The following R3HDM2 variants were observed in gnomAD, a reference collection of about 807,000 sequenced individuals.
R3HDM2 encodes the protein R3H domain containing 2.
Under a neutral mutation model 124.5 loss-of-function variants are expected in R3HDM2, and 38 were observed. The ratio of observed to expected loss-of-function variants is 0.31; its 90% CI spans 0.24 to 0.40. The LOEUF (loss-of-function observed/expected upper bound fraction) is 0.40. R3HDM2 is among the 10% of genes least tolerant of loss of function. R3HDM2 has a pLI of 1.00. For synonymous variants in R3HDM2, 391 were observed against 448.0 expected (o/e 0.87, Z 1.61); for missense variants, 869 against 1,236.9 (o/e 0.70, Z 4.46).
intron 1 of R3HDM2, among the ~76,000 whole-genome samples, chr12:57,403,467 G>A (rs914164004): frequency 1.3e-5 from 2 of 151,336 alleles, no homozygotes; most frequent in Non-Finnish European, 2.9e-5. Context: ...ACTCCAGCCT[G>A]GGTGACAAGA....
intron 2 of R3HDM2, among the ~76,000 whole-genome samples, chr12:57,330,154 C>G (rs1482636997): frequency 6.6e-6 from 1 of 151,876 alleles, no homozygotes; most frequent in African/African-American, 2.4e-5. Context: ...TTAGTAGAGA[C>G]AGGGTTTCTC....
At chr12:57,402,427 C>T (rs1271185818) in intron 1 of R3HDM2, among the ~76,000 whole-genome samples, 2 of 152,150 alleles carry the variant, frequency 1.3e-5, no homozygotes, top group Non-Finnish European at 2.9e-5. Flanking sequence ...CAGCTCATTG[C>T]AACCTCCACC....
At chr12:57,314,040 T>G (rs2054512822) in intron 2 of R3HDM2, among the ~76,000 whole-genome samples, 1 of 149,542 alleles carries the variant, frequency 6.7e-6, no homozygotes. Flanking sequence ...AATACAAAAT[T>G]AGCCAGGTGT....
intron 19 of R3HDM2, among the ~76,000 whole-genome samples, chr12:57,262,142 T>TTA (rs2041032468): frequency 6.6e-6 from 1 of 152,214 alleles, no homozygotes; most frequent in African/African-American, 2.4e-5. Context: ...CACAGGCATC[T>TTA]TTCCCAAATT....
In R3HDM2 at chr12:57,268,326, T is replaced by C. The variant is rs1434666496; in HGVS notation, c.2007A>G (p.Pro669=). 4 of 1,613,526 alleles carry C rather than the reference T, an allele frequency of 2.5e-6. No individual in the cohort carries two copies. The highest frequency in any genetic ancestry group is 1.3e-5 in the African/African-American group (1 of 74,832). ...ACCTCGTACCGTTCTGCTGAGCAGG[T>C]GGGATCATGCTATAGTACACTGGTA... The part of the protein sequence containing the change: ...AGVPVYYSMI[P]PAQQNGTSPS... Residue 669 remains proline (P), a synonymous_variant, in exon 18 of 24, where the codon CCA becomes CCG. Transcript: ENST00000402412.
At chr12:57,342,650 C>T (rs548754592) in intron 2 of R3HDM2, among the ~76,000 whole-genome samples, 2 of 152,208 alleles carry the variant, frequency 1.3e-5, no homozygotes, top group Admixed American at 6.5e-5. Context: ...CTACATATGT[C>T]GAAATACCAA....
intron 2 of R3HDM2, among the ~76,000 whole-genome samples, chr12:57,312,786 C>T (rs2054186747): frequency 6.6e-6 from 1 of 151,954 alleles, no homozygotes; most frequent in Admixed American, 6.6e-5. Flanking sequence ...CTTAAGCAAG[C>T]TGGCTCAATT....
At chr12:57,287,094 G>A (rs566676170) in intron 12 of R3HDM2, among the ~76,000 whole-genome samples, 1 of 152,268 alleles carries the variant, frequency 6.6e-6, no homozygotes, top group East Asian at 1.9e-4. Context: ...GTAGCGAAGA[G>A]GACACTAAAC....
intron 1 of R3HDM2, among the ~76,000 whole-genome samples, chr12:57,405,205 A>T (rs1216985188): frequency 3.3e-5 from 5 of 152,126 alleles, no homozygotes; most frequent in African/African-American, 9.7e-5. Flanking sequence ...AATTTAAAAA[A>T]TTTTTTGTAG....
At chr12:57,324,527 AAATTAGACAAC>A (rs1203012005) in intron 2 of R3HDM2, among the ~76,000 whole-genome samples, 4 of 152,232 alleles carry the variant, frequency 2.6e-5, no homozygotes, top group Non-Finnish European at 4.4e-5. Context: ...TTGGCCAGAG[AAATTAGACAAC>A]AACCTGATTT....
At chr12:57,335,328 C>G (rs1239999212) in intron 2 of R3HDM2, among the ~76,000 whole-genome samples, 1 of 151,684 alleles carries the variant, frequency 6.6e-6, no homozygotes, top group Non-Finnish European at 1.5e-5. Context: ...CTGCCTTAGC[C>G]TCCCAAGTAG....
chr12:57,389,406 G>A (rs948617727), intron 2 of R3HDM2, among the ~76,000 whole-genome samples: 3 of 152,194 alleles, frequency 2.0e-5, no homozygotes, highest in Non-Finnish European at 4.4e-5. Context: ...GACTCCAAGA[G>A]CTCAAAGTCA....
intron 4 of R3HDM2, among the ~76,000 whole-genome samples, chr12:57,302,177 A>C (rs2051342177): frequency 3.3e-5 from 5 of 152,116 alleles, no homozygotes; most frequent in Admixed American, 3.3e-4. Flanking sequence ...GCTGCTTGGG[A>C]GGCTAAGGCA....
At chr12:57,343,490 C>T (rs763397065) in intron 2 of R3HDM2, among the ~76,000 whole-genome samples, 1 of 151,824 alleles carries the variant, frequency 6.6e-6, no homozygotes, top group South Asian at 2.1e-4. Context: ...AGCCTAGCCT[C>T]GGATCTTAAT....
chr12:57,296,635 A>C lies in R3HDM2; in HGVS notation c.561-84T>G. On this transcript the variant is annotated intron_variant, in intron 8 of 23. Transcript: ENST00000402412. This position sits in a 1 kb window ranked among gnomAD's most constrained non-coding sequence, Gnocchi z 4.5. ...ATTTTAATTTTTCTTACAAGTGTCT[A>C]AAGTGGAAAGTTTCTTAGGAGAAAT... The C allele has an allele frequency of 2.9e-6, 4 of 1,374,732 alleles. No individual in the cohort carries two copies. Among genetic ancestry groups the C allele is most frequent in the Non-Finnish European group, 4.0e-6 (4 of 1,008,698 alleles). The allele number at this position is 1,374,732 out of a possible 1,614,324, so 85.2% of individuals were successfully genotyped here.
intron 1 of R3HDM2, among the ~76,000 whole-genome samples, chr12:57,396,652 G>A (rs2067552444): frequency 1.3e-5 from 2 of 151,252 alleles, no homozygotes; most frequent in African/African-American, 2.4e-5. Flanking sequence ...GTTGGCGGGC[G>A]CCTGTAATCG....
intron 1 of R3HDM2, among the ~76,000 whole-genome samples, chr12:57,410,824 G>A (rs900202728): frequency 2.0e-5 from 3 of 152,166 alleles, no homozygotes; most frequent in African/African-American, 7.2e-5. Flanking sequence ...CTGTATTACA[G>A]CCTGAGTGAC....
intron 1 of R3HDM2, among the ~76,000 whole-genome samples, chr12:57,420,144 C>T (rs1467406751): frequency 6.6e-6 from 1 of 152,148 alleles, no homozygotes; most frequent in African/African-American, 2.4e-5. Flanking sequence ...TCTCTGCAGG[C>T]TCAAGAACTT....
chr12:57,338,604 C>T (rs1324986422), intron 2 of R3HDM2, among the ~76,000 whole-genome samples: 3 of 152,222 alleles, frequency 2.0e-5, no homozygotes, highest in African/African-American at 7.2e-5. Context: ...ATAGCCCAGG[C>T]TGGTCTCGAA....
Sources: gnomAD v4.1 joint callset for allele counts (sites outside exome capture counted in the v4.1 genomes callset) on GRCh38, gnomAD v4.1.1 for gene constraint, Gnocchi (gnomAD v3.1) non-coding constraint, MANE v1.5 for transcripts, NCBI Gene and HGNC (gene_info 2026-07-23, HGNC 2026-07-21) for gene names.